Variants in DLGAP2 observed in about 807,000 individuals in gnomAD.
The protein encoded by DLGAP2 is disks large-associated protein 2.
Under a neutral mutation model 100.3 loss-of-function variants are expected in DLGAP2, and 26 were observed. The observed-to-expected ratio is 0.26, with a 90% CI of 0.19 to 0.36. The LOEUF (loss-of-function observed/expected upper bound fraction) is 0.36, where lower values mean the gene tolerates loss of function less well. Ranked by LOEUF, DLGAP2 falls within the 10% of genes least tolerant of loss-of-function variation. The pLI is 1.00. For missense variants in DLGAP2, 1,858 were observed against 1,453.2 expected (o/e 1.28, Z -4.53); for synonymous variants, 886 against 630.1 (o/e 1.41, Z -6.08).
chr8:1,056,955 G>A (rs151007644), intron 2 of DLGAP2, among the ~76,000 whole-genome samples: 1 of 152,234 alleles, frequency 6.6e-6, no homozygotes, highest in African/African-American at 2.4e-5. Flanking sequence ...ATTTCCTAAC[G>A]ATAAATCACC....
intron 1 of DLGAP2, among the ~76,000 whole-genome samples, chr8:872,710 G>A (rs1037763741): frequency 1.6e-4 from 25 of 152,080 alleles, no homozygotes; most frequent in Non-Finnish European, 2.6e-4. Context: ...TGTACAATCC[G>A]CTGGCTTTTA....
intron 2 of DLGAP2, among the ~76,000 whole-genome samples, chr8:988,140 T>A (rs1389582976): frequency 2.0e-5 from 3 of 152,140 alleles, no homozygotes; most frequent in Non-Finnish European, 4.4e-5. Context: ...TTCTTATAGG[T>A]TGGTAGCTAA....
At chr8:1,328,510 G>GTTTT in intron 3 of DLGAP2, among the ~76,000 whole-genome samples, 1 of 151,524 alleles carries the variant, frequency 6.6e-6, no homozygotes, top group African/African-American at 2.4e-5. Context: ...TTGTTTGTTT[G>GTTTT]TTTGTTTTTT....
At chr8:761,599 C>A (rs761328279) in intron 1 of DLGAP2, among the ~76,000 whole-genome samples, 6 of 152,188 alleles carry the variant, frequency 3.9e-5, no homozygotes, top group Non-Finnish European at 8.8e-5. Flanking sequence ...GCACTGGGTC[C>A]CCTCCATGCA....
At chr8:1,179,984 A>T (rs1797345042) in intron 2 of DLGAP2, among the ~76,000 whole-genome samples, 3 of 152,248 alleles carry the variant, frequency 2.0e-5, no homozygotes, top group Admixed American at 2.0e-4. Flanking sequence ...CAATTAAAAT[A>T]CTTGGTGTTT....
chr8:854,679 A>G (rs1389290831), intron 1 of DLGAP2, among the ~76,000 whole-genome samples: 1 of 152,042 alleles, frequency 6.6e-6, no homozygotes, highest in African/African-American at 2.4e-5. Flanking sequence ...GTGTGTGCAT[A>G]TGTGCTTTCA....
intron 3 of DLGAP2, among the ~76,000 whole-genome samples, chr8:1,440,986 G>A (rs555766361): frequency 2.4e-4 from 37 of 152,150 alleles, no homozygotes; most frequent in Non-Finnish European, 4.7e-4. Flanking sequence ...CTCCCAGCAC[G>A]GGTTTTCCAG....
At chr8:1,141,093 C>G (rs1309105965) in intron 2 of DLGAP2, among the ~76,000 whole-genome samples, 1 of 152,084 alleles carries the variant, frequency 6.6e-6, no homozygotes, top group Non-Finnish European at 1.5e-5. Flanking sequence ...CTGCTGTGTC[C>G]TGTGGACAGT....
intron 3 of DLGAP2, among the ~76,000 whole-genome samples, chr8:1,323,562 C>G (rs1800954887): frequency 1.3e-5 from 2 of 152,306 alleles, no homozygotes; most frequent in South Asian, 4.1e-4. Context: ...CCTGCTGAAC[C>G]AGGATTCGAA....
intron 3 of DLGAP2, among the ~76,000 whole-genome samples, chr8:1,494,733 AAAAGG>A (rs571089256): frequency 3.3e-5 from 5 of 152,200 alleles, no homozygotes; most frequent in African/African-American, 1.2e-4. Context: ...ATCTAAAAAA[AAAAGG>A]AAAGAAAAGA....
chr8:1,386,794 A>G (rs575779109), intron 3 of DLGAP2, among the ~76,000 whole-genome samples: 3 of 152,204 alleles, frequency 2.0e-5, no homozygotes, highest in Non-Finnish European at 4.4e-5. Flanking sequence ...TCCAAAGAAA[A>G]AAAGGATTGA....
At chr8:1,670,119 C>G (rs1462092373) in intron 10 of DLGAP2, among the ~76,000 whole-genome samples, 1 of 152,206 alleles carries the variant, frequency 6.6e-6, no homozygotes, top group Non-Finnish European at 1.5e-5. Context: ...TTGCCAGACA[C>G]TCCCACCCTC....
At chr8:794,382 A>C (rs928124064) in intron 1 of DLGAP2, among the ~76,000 whole-genome samples, 7 of 152,246 alleles carry the variant, frequency 4.6e-5, no homozygotes, top group African/African-American at 1.4e-4. Context: ...CACAGCCTTC[A>C]GAGCTGAGAG....
At chr8:924,042 GCA>G (rs1300348556) in intron 2 of DLGAP2, among the ~76,000 whole-genome samples, 2 of 152,238 alleles carry the variant, frequency 1.3e-5, no homozygotes, top group Non-Finnish European at 2.9e-5. Context: ...TCACATGACA[GCA>G]TCCATTGCGT....
chr8:1,127,419 T>TGA, intron 2 of DLGAP2, among the ~76,000 whole-genome samples: 1 of 151,584 alleles, frequency 6.6e-6, no homozygotes, highest in African/African-American at 2.4e-5. Flanking sequence ...GGTCCCTTCG[T>TGA]GTGTGGAGGC....
At chr8:1,283,613 G>C (rs552333320) in intron 3 of DLGAP2, among the ~76,000 whole-genome samples, 4 of 152,190 alleles carry the variant, frequency 2.6e-5, no homozygotes, top group Non-Finnish European at 4.4e-5. Flanking sequence ...AAGGAACAGC[G>C]ATGATGCTGA....
At chr8:1,054,276 A>ACACGCACAC (rs1802812553) in intron 2 of DLGAP2, among the ~76,000 whole-genome samples, 1 of 151,848 alleles carries the variant, frequency 6.6e-6, no homozygotes, top group Non-Finnish European at 1.5e-5. Flanking sequence ...ACACGGACAC[A>ACACGCACAC]CACGCACACA....
At chr8:1,610,865 A>C (rs529121250) in intron 6 of DLGAP2, among the ~76,000 whole-genome samples, 1 of 139,590 alleles carries the variant, frequency 7.2e-6, no homozygotes, top group Non-Finnish European at 1.5e-5. Context: ...TGAATAGACC[A>C]ATAACAGGAG....
intron 2 of DLGAP2, among the ~76,000 whole-genome samples, chr8:1,053,898 C>T (rs1329114522): frequency 6.6e-6 from 1 of 152,164 alleles, no homozygotes; most frequent in Non-Finnish European, 1.5e-5. Context: ...AGAGCAAGTA[C>T]TGTTGAGTTT....
Sources: gnomAD v4.1 joint callset for allele counts (sites outside exome capture counted in the v4.1 genomes callset) on GRCh38, gnomAD v4.1.1 for gene constraint, MANE v1.5 for transcripts, NCBI Gene and HGNC (gene_info 2026-07-23, HGNC 2026-07-21) for gene names.